Variants in XPO4 observed in about 807,000 individuals in gnomAD.
XPO4 encodes exportin-4.
A neutral mutation model predicts 143.0 loss-of-function variants in XPO4; 39 were observed. The observed-to-expected ratio is 0.27, with a 90% CI of 0.21 to 0.36. The LOEUF is 0.36. XPO4 is among the 10% of genes least tolerant of loss of function. The pLI is 1.00. For synonymous variants in XPO4, 439 were observed against 474.0 expected (o/e 0.93, Z 0.96); for missense variants, 907 against 1,348.0 (o/e 0.67, Z 5.12).
intron 20 of XPO4, among the ~76,000 whole-genome samples, chr13:20,788,078 G>GC (rs2059231417): frequency 1.4e-5 from 2 of 145,114 alleles, no homozygotes; most frequent in South Asian, 4.4e-4. Flanking sequence ...TTTTTGAGAT[G>GC]GAGTTTCACT....
intron 1 of XPO4, 57 bp downstream of exon 1, chr13:20,902,613 G>T: frequency 6.7e-7 from 1 of 1,497,166 alleles, no homozygotes; most frequent in Non-Finnish European, 8.9e-7. Flanking sequence ...GGCCTGGAGT[G>T]GCAGGGCCGA....
intron 6 of XPO4, among the ~76,000 whole-genome samples, chr13:20,835,255 GA>G (rs1318224343): frequency 2.0e-5 from 3 of 152,150 alleles, no homozygotes; most frequent in Non-Finnish European, 4.4e-5. Context: ...AGAGAGGACA[GA>G]AGAAAATACT....
chr13:20,809,859 G>A lies in XPO4; in HGVS notation c.1282C>T (p.His428Tyr), dbSNP rs751017310. 22 of 1,613,778 alleles carry A rather than the reference G, an allele frequency of 1.4e-5. No individual in the cohort carries two copies. The highest frequency in any genetic ancestry group is 1.9e-5 in the Non-Finnish European group (22 of 1,179,898). Residue 428 changes from histidine (H) to tyrosine (Y), a missense_variant, in exon 10 of 23, where the codon CAT becomes TAT. Coordinates refer to ENST00000255305, the MANE Select transcript of XPO4 (RefSeq NM_022459.5). ...KHFHKGFFTQ[H>Y]AVQVFNSYIQ... ...TAGGAATTGAAAACTTGAACTGCATGTTGGGTAAAAAAGCCTTTATGGAAA... is the reference window on the plus strand; with the variant it reads ...TAGGAATTGAAAACTTGAACTGCATATTGGGTAAAAAAGCCTTTATGGAAA...
chr13:20,841,119 T>C (rs1416205579), intron 6 of XPO4, among the ~76,000 whole-genome samples: 1 of 152,212 alleles, frequency 6.6e-6, no homozygotes, highest in East Asian at 1.9e-4. Flanking sequence ...TTAAAATATA[T>C]GCAGTGTAAC....
intron 4 of XPO4, 43 bp from the exon 5 acceptor site, chr13:20,843,929 T>A (rs759006963): frequency 1.4e-6 from 2 of 1,440,288 alleles, no homozygotes; most frequent in Non-Finnish European, 1.9e-6. Context: ...CATTACTGTT[T>A]CAACGCTTTG....
At chr13:20,790,418 C>A in intron 19 of XPO4, 44 bp downstream of exon 19, 1 of 1,427,178 alleles carries the variant, frequency 7.0e-7, no homozygotes, top group African/African-American at 1.4e-5. Flanking sequence ...CTTTGAACTT[C>A]AGTTACACAT....
At chr13:20,804,959 T>TC (rs1055853717) in intron 13 of XPO4, among the ~76,000 whole-genome samples, 5 of 151,870 alleles carry the variant, frequency 3.3e-5, no homozygotes, top group Admixed American at 6.6e-5. Context: ...TTGTTTTTTT[T>TC]TTTGAGACAG....
At chr13:20,861,523 T>C (rs1346968792) in intron 3 of XPO4, among the ~76,000 whole-genome samples, 2 of 152,008 alleles carry the variant, frequency 1.3e-5, no homozygotes, top group South Asian at 2.1e-4. Flanking sequence ...CTTGAACCCT[T>C]GACCTCAAGT....
chr13:20,808,356 G>A (rs1381063268), intron 12 of XPO4, 80 bp downstream of exon 12: 5 of 1,378,864 alleles, frequency 3.6e-6, no homozygotes, highest in Middle Eastern at 1.9e-4. Flanking sequence ...ATACACTATT[G>A]TTTTTCATAT....
chr13:20,805,485 G>A (rs2059491787), intron 13 of XPO4, among the ~76,000 whole-genome samples: 2 of 151,964 alleles, frequency 1.3e-5, no homozygotes, highest in Non-Finnish European at 1.5e-5. Flanking sequence ...GCAGGCCCAG[G>A]GCCTTTGCAT....
At chr13:20,902,185 G>GAGT (rs1566636243) in intron 1 of XPO4, 1 of 985,228 alleles carries the variant, frequency 1.0e-6, no homozygotes, top group Admixed American at 6.2e-5. Flanking sequence ...AGAGGTGGCT[G>GAGT]CATGTCAGGG....
chr13:20,826,947 T>G (rs1454086018), intron 7 of XPO4, 120 bp downstream of exon 7: 3 of 660,140 alleles, frequency 4.5e-6, no homozygotes, highest in Admixed American at 2.6e-5. Flanking sequence ...GCAGCCATAC[T>G]GATGAGAAGA....
rs2059148910 is a variant in XPO4 at position 20,781,991 on chromosome 13, T to C, written c.*1731A>G. Reference sequence around the variant, plus strand: ...TATTAATTTCCTTCCTAGCAGTCTTTTCAAGATGTTTTTGCTTCCCCTTAA... The same window carrying C: ...TATTAATTTCCTTCCTAGCAGTCTTCTCAAGATGTTTTTGCTTCCCCTTAA... On this transcript the variant is annotated 3_prime_UTR_variant, in exon 23 of 23. Transcript: ENST00000255305. 6.6e-6 allele frequency: 1 copy of C among 152,258 alleles called. No homozygotes were observed. The highest frequency in any genetic ancestry group is 2.4e-5 in the African/African-American group (1 of 41,464). 9.4% of individuals were successfully genotyped at this position (152,258 alleles called of 1,614,324 possible).
rs1177436391 is a variant in XPO4, at chr13:20,786,951, G to A, written c.3258+14C>T. On this transcript the variant is annotated intron_variant, in intron 22 of 22. Transcript: ENST00000255305. ...GAATGAGAAGAGTCCCCTGAAAAGAGGCATGTCCAGTACCTGGTGCAAACA... is the reference window on the plus strand; with the variant it reads ...GAATGAGAAGAGTCCCCTGAAAAGAAGCATGTCCAGTACCTGGTGCAAACA... The A allele has an allele frequency of 1.3e-6, 2 of 1,546,568 alleles. No individual in the cohort carries two copies. The highest frequency in any genetic ancestry group is 1.7e-6 in the Non-Finnish European group (2 of 1,144,984).
intron 15 of XPO4, among the ~76,000 whole-genome samples, 154 bp downstream of exon 15, chr13:20,800,002 T>TA (rs2059411331): frequency 6.6e-6 from 1 of 152,194 alleles, no homozygotes; most frequent in African/African-American, 2.4e-5. Context: ...TACTGTGACA[T>TA]AGTTTTTAAA....
chr13:20,838,593 C>T (rs1375748213), intron 6 of XPO4, among the ~76,000 whole-genome samples: 1 of 120,730 alleles, frequency 8.3e-6, no homozygotes, highest in Non-Finnish European at 1.7e-5. Flanking sequence ...GTGGGCAACA[C>T]AGCAAGACTC....
intron 1 of XPO4, among the ~76,000 whole-genome samples, chr13:20,894,943 C>T (rs1357609067): frequency 1.3e-5 from 2 of 151,476 alleles, no homozygotes; most frequent in African/African-American, 2.4e-5. Context: ...TCTGGAAGGC[C>T]GAGGCGAGCG....
At chr13:20,829,510 T>C (rs2059826456) in intron 6 of XPO4, among the ~76,000 whole-genome samples, 1 of 152,164 alleles carries the variant, frequency 6.6e-6, no homozygotes, top group South Asian at 2.1e-4. Flanking sequence ...ACCATTTTAG[T>C]AGCTAGCAGA....
At chr13:20,793,932 C>G (rs768382914) in intron 18 of XPO4, among the ~76,000 whole-genome samples, 1 of 152,144 alleles carries the variant, frequency 6.6e-6, no homozygotes, top group Non-Finnish European at 1.5e-5. Context: ...GATCCTCCAT[C>G]TAGAGTCCAG....
Sources: gnomAD v4.1 joint callset for allele counts (sites outside exome capture counted in the v4.1 genomes callset) on GRCh38, gnomAD v4.1.1 for gene constraint, MANE v1.5 for transcripts, NCBI Gene and HGNC (gene_info 2026-07-23, HGNC 2026-07-21) for gene names.